GRIA1: variants seen among roughly 807,000 people sequenced by gnomAD.
GRIA1 encodes the protein glutamate receptor 1.
Under a neutral mutation model 99.2 loss-of-function variants are expected in GRIA1, and 31 were observed. That is an observed-to-expected ratio of 0.31 (90% CI 0.23 to 0.42). The LOEUF is 0.42. Ranked by LOEUF, GRIA1 falls within the 10% of genes least tolerant of loss-of-function variation. The pLI is 1.00. For synonymous variants in GRIA1, 438 were observed against 432.4 expected, an observed-to-expected ratio of 1.01 and a Z score of -0.16; for missense variants, 782 against 1,157.5, an observed-to-expected ratio of 0.68 and a Z score of 4.71.
chr5:153,586,307 G>A (rs557776121), intron 2 of GRIA1, among the ~76,000 whole-genome samples: 1 of 152,174 alleles, frequency 6.6e-6, no homozygotes, highest in African/African-American at 2.4e-5. Context: ...AAATAACTGT[G>A]GAATGAATTA....
chr5:153,628,906 G>A (rs188372448), intron 2 of GRIA1, among the ~76,000 whole-genome samples: 54 of 152,278 alleles, frequency 3.5e-4, no homozygotes, highest in Non-Finnish European at 6.2e-4. Context: ...GAATTCTGTC[G>A]TGTCTACAGA....
At chr5:153,692,186 T>G (rs898808350) in intron 8 of GRIA1, among the ~76,000 whole-genome samples, 1 of 152,218 alleles carries the variant, frequency 6.6e-6, no homozygotes, top group African/African-American at 2.4e-5. Flanking sequence ...GAAGCCACCT[T>G]GGAAACGACA....
chr5:153,590,155 A>G (rs1363686596), intron 2 of GRIA1, among the ~76,000 whole-genome samples: 1 of 152,194 alleles, frequency 6.6e-6, no homozygotes, highest in Non-Finnish European at 1.5e-5. Context: ...TATAGTAAAT[A>G]TAATTTGTCA....
intron 4 of GRIA1, among the ~76,000 whole-genome samples, chr5:153,651,855 T>C (rs1250377123): frequency 2.0e-5 from 3 of 152,180 alleles, no homozygotes; most frequent in Non-Finnish European, 4.4e-5. Context: ...CAGGATAAGA[T>C]AATAGTTAAG....
chr5:153,647,059 T>G lies in GRIA1; in HGVS notation c.352T>G (p.Ser118Ala). 6.2e-7 allele frequency: 1 copy of G among 1,613,968 alleles called. No homozygotes were observed. Among genetic ancestry groups the G allele is most frequent in the Non-Finnish European group, 8.5e-7 (1 of 1,179,916 alleles). ...FITPSFPVDTSNQFVLQLRPE... is the reference protein window; with the variant it reads ...FITPSFPVDTANQFVLQLRPE... ...TACGCCGAGCTTTCCCGTTGATACA[T>G]CCAATCAGTTTGTCCTTCAGCTGCG... Residue 118 changes from serine (S) to alanine (A), a missense_variant, in exon 3 of 16, where the codon TCC becomes GCC. Ser to Ala is a moderately conservative substitution (Grantham distance 99). Transcript: ENST00000285900.
intron 13 of GRIA1, among the ~76,000 whole-genome samples, chr5:153,784,938 C>A (rs191848284): frequency 2.0e-5 from 3 of 152,222 alleles, no homozygotes; most frequent in Admixed American, 1.3e-4. Flanking sequence ...GGTAAATGAG[C>A]CTTGGTTCCT....
intron 2 of GRIA1, chr5:153,525,228 C>T (rs1757487100): frequency 6.6e-6 from 1 of 152,196 alleles, no homozygotes; most frequent in Admixed American, 6.5e-5. Context: ...CTTTCCCTTC[C>T]TGGGGGACAT....
intron 15 of GRIA1, among the ~76,000 whole-genome samples, chr5:153,804,748 T>C (rs200224243): frequency 9.6e-5 from 12 of 125,244 alleles, no homozygotes; most frequent in Middle Eastern, 3.7e-3. Context: ...TTTATTTATT[T>C]ATTTATTTAT....
In GRIA1 at chr5:153,655,888, C is replaced by T. The variant is rs1029978048; in HGVS notation, c.699+16C>T. 6 of 1,608,450 alleles carry T rather than the reference C, an allele frequency of 3.7e-6. No homozygotes were observed. Among genetic ancestry groups the T allele is most frequent in the Non-Finnish European group, 5.1e-6 (6 of 1,175,120 alleles). On this transcript the variant is annotated intron_variant, in intron 5 of 15. Transcript: ENST00000285900. ...TGCAAATCTGGTGAGTAGAGCACTGCAGGCTCTCAGCTCAAGTCCTTTCCA... is the reference window on the plus strand; with the variant it reads ...TGCAAATCTGGTGAGTAGAGCACTGTAGGCTCTCAGCTCAAGTCCTTTCCA...
chr5:153,590,225 GA>G (rs5872323), intron 2 of GRIA1, among the ~76,000 whole-genome samples: 19,443 of 151,972 alleles, frequency 0.13, 2,501 homozygotes, highest in East Asian at 0.71. Context: ...ACATCAGTTC[GA>G]AAAAATTGCA....
chr5:153,721,903 A>G (rs1355944800), intron 11 of GRIA1, among the ~76,000 whole-genome samples: 2 of 152,160 alleles, frequency 1.3e-5, no homozygotes, highest in African/African-American at 2.4e-5. Flanking sequence ...CAACTTATAT[A>G]TATTTTCTAT....
rs953890038 is a variant in GRIA1, at chr5:153,709,901, G to T, written c.1823+3834G>T. ...CTCTAGAGTAGGCAGGGTAGGAATC[G>T]ATATTGGGGGAATCAACTGGCAGTA... On this transcript the variant is annotated intron_variant, in intron 11 of 15. Transcript: ENST00000285900. Among the ~76,000 whole-genome samples the T allele has an allele frequency of 2.6e-5, 4 of 152,146 alleles. No homozygotes were observed. In the South Asian group the frequency reaches 8.3e-4, roughly 32 times the overall value.
intron 2 of GRIA1, among the ~76,000 whole-genome samples, chr5:153,539,450 T>C (rs1018995576): frequency 3.9e-5 from 6 of 152,258 alleles, no homozygotes; most frequent in Admixed American, 6.5e-5. Context: ...TGAATGTGCA[T>C]ACGCATTGTG....
At chr5:153,771,894 G>T (rs1467074981) in intron 13 of GRIA1, among the ~76,000 whole-genome samples, 1 of 152,132 alleles carries the variant, frequency 6.6e-6, no homozygotes, top group Non-Finnish European at 1.5e-5. Flanking sequence ...ATCAGAGGTG[G>T]GGGAGGGGGG....
At chr5:153,637,797 A>G (rs1387519163) in intron 2 of GRIA1, among the ~76,000 whole-genome samples, 1 of 152,208 alleles carries the variant, frequency 6.6e-6, no homozygotes, top group Non-Finnish European at 1.5e-5. Context: ...CGTATCTTCC[A>G]GACCTGTGGA....
intron 5 of GRIA1, among the ~76,000 whole-genome samples, chr5:153,667,809 C>T (rs1269897241): frequency 6.6e-6 from 1 of 152,212 alleles, no homozygotes; most frequent in African/African-American, 2.4e-5. Context: ...CAAATCTTCA[C>T]AGCAAGATGA....
intron 2 of GRIA1, among the ~76,000 whole-genome samples, chr5:153,503,879 T>C (rs1283201373): frequency 1.3e-5 from 2 of 152,210 alleles, no homozygotes; most frequent in Non-Finnish European, 2.9e-5. Context: ...ATTGATGTCA[T>C]CAGGACTGAG....
At chr5:153,552,722 C>A (rs1157542520) in intron 2 of GRIA1, among the ~76,000 whole-genome samples, 1 of 152,040 alleles carries the variant, frequency 6.6e-6, no homozygotes. Context: ...TGTTAAAATG[C>A]AGATTCTGTG....
At chr5:153,565,790 T>A (rs751008071) in intron 2 of GRIA1, among the ~76,000 whole-genome samples, 17 of 151,996 alleles carry the variant, frequency 1.1e-4, no homozygotes, top group Admixed American at 3.3e-4. Context: ...TTCATCCCTT[T>A]ATGGTATATC....
Sources: gnomAD v4.1 joint callset for allele counts (sites outside exome capture counted in the v4.1 genomes callset) on GRCh38, gnomAD v4.1.1 for gene constraint, MANE v1.5 for transcripts, NCBI Gene and HGNC (gene_info 2026-07-23, HGNC 2026-07-21) for gene names.